The following RIMBP2 variants were observed in gnomAD, a reference collection of about 807,000 sequenced individuals.
The protein encoded by RIMBP2 is RIMS-binding protein 2.
In RIMBP2, 48 loss-of-function variants were observed where a neutral mutation model predicts 118.6. That is an observed-to-expected ratio of 0.40 (90% CI 0.32 to 0.51). The LOEUF is 0.51. RIMBP2 is among the 20% of genes least tolerant of loss of function. The probability of loss-of-function intolerance (pLI) is 0.41; values close to 1 mark genes in which losing one functional copy is unlikely to be tolerated. For synonymous variants in RIMBP2, 762 were observed against 742.9 expected, an observed-to-expected ratio of 1.03 and a Z score of -0.42; for missense variants, 1,551 against 1,768.3, an observed-to-expected ratio of 0.88 and a Z score of 2.20.
At chr12:130,648,886 C>G (rs964480664) in intron 1 of RIMBP2, among the ~76,000 whole-genome samples, 2 of 145,720 alleles carry the variant, frequency 1.4e-5, no homozygotes, top group African/African-American at 4.9e-5. Flanking sequence ...GAACTCCTGA[C>G]CTCAGGTGAT....
intron 3 of RIMBP2, among the ~76,000 whole-genome samples, chr12:130,513,049 T>C (rs1487404714): frequency 6.6e-6 from 1 of 152,188 alleles, no homozygotes; most frequent in Non-Finnish European, 1.5e-5. Context: ...CTCATACCAG[T>C]GTTTCCTAGC....
At chr12:130,671,707 C>T (rs1024588476) in intron 1 of RIMBP2, among the ~76,000 whole-genome samples, 3 of 147,302 alleles carry the variant, frequency 2.0e-5, no homozygotes, top group Non-Finnish European at 4.5e-5. Flanking sequence ...AGCAGCACGT[C>T]CCCACCCCCA....
intron 2 of RIMBP2, among the ~76,000 whole-genome samples, chr12:130,569,593 G>A (rs951597446): frequency 2.0e-5 from 3 of 152,218 alleles, no homozygotes; most frequent in Non-Finnish European, 2.9e-5. Context: ...GGAAGTGATT[G>A]GATCATGGTT....
chr12:130,500,948 C>G (rs954815623), intron 4 of RIMBP2, among the ~76,000 whole-genome samples: 3 of 152,152 alleles, frequency 2.0e-5, no homozygotes, highest in Non-Finnish European at 4.4e-5. Context: ...TCTTGAGGAT[C>G]AGCAGGGAGG....
chr12:130,591,438 C>G (rs2059258071), intron 2 of RIMBP2, among the ~76,000 whole-genome samples: 1 of 152,208 alleles, frequency 6.6e-6, no homozygotes, highest in African/African-American at 2.4e-5. Context: ...GAATATCATG[C>G]TGTTTCCTAG....
chr12:130,616,036 C>T (rs75085456), intron 2 of RIMBP2, among the ~76,000 whole-genome samples: 4,885 of 152,226 alleles, frequency 0.032, 264 homozygotes, highest in African/African-American at 0.11. Flanking sequence ...AGGAGAGTGA[C>T]GCAGTCGGAT....
rs373150038 is a variant in RIMBP2 at position 130,671,390 on chromosome 12, G to A, written c.-351-42934C>T. 1.9e-4 allele frequency among the ~76,000 whole-genome samples: 29 copies of A among 152,216 alleles called. No individual in the cohort carries two copies. The South Asian group carries it at 3.1e-3, about 16-fold the overall frequency. On this transcript the variant is annotated intron_variant, in intron 1 of 22. Coordinates refer to ENST00000690449, the MANE Select transcript of RIMBP2 (RefSeq NM_001393629.1). ...TCTTTCCCTCCATCATCTCTACCAC[G>A]TTTCTCTGATCGATTTCCCTTATTG...
intron 3 of RIMBP2, among the ~76,000 whole-genome samples, chr12:130,510,364 G>A (rs531179539): frequency 1.3e-4 from 20 of 151,606 alleles, no homozygotes; most frequent in African/African-American, 4.6e-4. Flanking sequence ...TGGGTGTGTT[G>A]ACCTCGAGGT....
rs2136882678 is a variant in RIMBP2, at chr12:130,428,339, TG to T, written c.2254-3del. 1 of 1,603,346 alleles carries T rather than the reference TG, an allele frequency of 6.2e-7. No individual in the cohort carries two copies. The highest frequency in any genetic ancestry group is 8.5e-7 in the Non-Finnish European group (1 of 1,174,572). ...CTCGTCTCCATGGCAACAGTGCGGC[TG>T]GGGGCCAAGAAAAGGGGCTACTGAG... On this transcript the variant is annotated splice_region_variant and splice_polypyrimidine_tract_variant and intron_variant, in intron 14 of 22. Coordinates refer to ENST00000690449, the MANE Select transcript of RIMBP2 (RefSeq NM_001393629.1).
At chr12:130,421,337 C>T (rs929102014) in intron 17 of RIMBP2, among the ~76,000 whole-genome samples, 12 of 152,292 alleles carry the variant, frequency 7.9e-5, no homozygotes, top group East Asian at 1.9e-4. Flanking sequence ...ACTGAAAATA[C>T]GGTTTCCTAA....
At chr12:130,403,363 A>T (rs1475528161) in intron 21 of RIMBP2, among the ~76,000 whole-genome samples, 1 of 152,226 alleles carries the variant, frequency 6.6e-6, no homozygotes, top group Non-Finnish European at 1.5e-5. Flanking sequence ...TATAATATAA[A>T]AACTTAGGGA....
chr12:130,438,335 A>ACCCCACCCC, intron 12 of RIMBP2, 30 bp downstream of exon 12: 3 of 865,006 alleles, frequency 3.5e-6, no homozygotes, highest in Non-Finnish European at 5.7e-6. Context: ...GGCCTAACAA[A>ACCCCACCCC]CCCTCCCCAC....
chr12:130,559,586 T>C (rs1282924840), intron 2 of RIMBP2, among the ~76,000 whole-genome samples: 1 of 152,222 alleles, frequency 6.6e-6, no homozygotes, highest in African/African-American at 2.4e-5. Flanking sequence ...AGGTTGATCC[T>C]ACACCTTGGC....
In RIMBP2 at chr12:130,709,443, C is replaced by T. The variant is rs114712983; in HGVS notation, c.-352+6779G>A. 7.0e-3 allele frequency among the ~76,000 whole-genome samples: 1,068 copies of T among 152,324 alleles called. 23 individuals carry two copies. The highest frequency in any genetic ancestry group is 0.025 in the African/African-American group (1,020 of 41,582). On this transcript the variant is annotated intron_variant, in intron 1 of 22. Coordinates refer to ENST00000690449, the MANE Select transcript of RIMBP2 (RefSeq NM_001393629.1). ...CGCCCGACAGCAGAGCTCTGGCACC[C>T]GCAGCCTGCGGGGCAGCTCCAGGCT...
At chr12:130,659,056 C>CT (rs1321425521) in intron 1 of RIMBP2, among the ~76,000 whole-genome samples, 1 of 105,800 alleles carries the variant, frequency 9.5e-6, no homozygotes, top group African/African-American at 2.9e-5. Context: ...TCATCTTCAT[C>CT]CCCCTTTGTG....
intron 6 of RIMBP2, among the ~76,000 whole-genome samples, chr12:130,467,993 C>T (rs2080653455): frequency 6.6e-6 from 1 of 152,196 alleles, no homozygotes; most frequent in South Asian, 2.1e-4. Context: ...TCTATTGTAT[C>T]TGGCTGAGCA....
intron 4 of RIMBP2, among the ~76,000 whole-genome samples, chr12:130,502,108 G>C (rs906218515): frequency 7.9e-5 from 12 of 152,148 alleles, no homozygotes; most frequent in African/African-American, 2.9e-4. Context: ...ATGGAGGAGG[G>C]GAGAGCAAGG....
chr12:130,548,811 G>A (rs1430758569), intron 2 of RIMBP2, among the ~76,000 whole-genome samples: 1 of 151,098 alleles, frequency 6.6e-6, no homozygotes, highest in Admixed American at 6.6e-5. Context: ...TGACCCCATG[G>A]TCCCATGGGG....
intron 1 of RIMBP2, among the ~76,000 whole-genome samples, chr12:130,636,378 T>G (rs949273759): frequency 1.3e-5 from 2 of 152,098 alleles, no homozygotes; most frequent in African/African-American, 4.8e-5. Context: ...AGATTGGCGG[T>G]TGTATGTATC....
Sources: allele counts gnomAD v4.1 joint callset (sites outside exome capture counted in the v4.1 genomes callset), GRCh38; gene constraint gnomAD v4.1.1; transcripts MANE v1.5; gene names NCBI Gene and HGNC (gene_info 2026-07-23, HGNC 2026-07-21).